MSL3B: variants seen among roughly 807,000 people sequenced by gnomAD.
MSL3B encodes MSL complex subunit 3B.
chr2:233,865,065 T>C, the MSL3B span, among the ~76,000 whole-genome samples: 1 of 152,240 alleles, frequency 6.6e-6, no homozygotes, highest in Non-Finnish European at 1.5e-5. Context: ...TGGGAAGATA[T>C]GTCTCTGTGG....
chr2:233,867,583 C>G, the MSL3B span: 6 of 224,508 alleles, frequency 2.7e-5, no homozygotes, highest in African/African-American at 1.4e-4. Context: ...TCAAGTGATT[C>G]TCCTGCCTCA....
At chr2:233,864,701 A>C in the MSL3B span, among the ~76,000 whole-genome samples, 2 of 152,242 alleles carry the variant, frequency 1.3e-5, no homozygotes, top group African/African-American at 2.4e-5. Context: ...ATGTATCTAA[A>C]ATATTGTCAG....
At chr2:233,867,485 T>C in the MSL3B span, 1 of 338,598 alleles carries the variant, frequency 3.0e-6, no homozygotes. Context: ...CTTTCTTTCT[T>C]TTTTTTGTGA....
the MSL3B span, chr2:233,866,211 C>T: frequency 1.3e-5 from 9 of 670,022 alleles, no homozygotes; most frequent in East Asian, 6.9e-5. Flanking sequence ...AAGAAGTCAT[C>T]GTGGTATTCT....
chr2:233,868,277 G>C, the MSL3B span: 4 of 333,472 alleles, frequency 1.2e-5, no homozygotes, highest in South Asian at 2.9e-5. Flanking sequence ...GAGCCTACGC[G>C]GCACCAGGCT....
the MSL3B span, among the ~76,000 whole-genome samples, chr2:233,867,810 T>TTGG: frequency 2.4e-5 from 3 of 126,204 alleles, no homozygotes; most frequent in Non-Finnish European, 3.4e-5. Context: ...TTTTTTTTTT[T>TTGG]GAGACAGAGT....
At chr2:233,865,005 A>G in the MSL3B span, among the ~76,000 whole-genome samples, 1 of 152,298 alleles carries the variant, frequency 6.6e-6, no homozygotes, top group South Asian at 2.1e-4. Flanking sequence ...GTGGCACGTC[A>G]TTCTCTCACA....
the MSL3B span, chr2:233,867,355 TA>T: frequency 9.8e-6 from 6 of 609,396 alleles, no homozygotes; most frequent in Admixed American, 1.4e-4. Flanking sequence ...AGAGGCCTTT[TA>T]AAAAAAGACA....
the MSL3B span, chr2:233,866,371 G>T: frequency 3.4e-6 from 3 of 895,442 alleles, no homozygotes; most frequent in African/African-American, 4.9e-5. Flanking sequence ...GAGGTGGCTG[G>T]TCACCTGGTG....
chr2:233,867,859 C>T, the MSL3B span, among the ~76,000 whole-genome samples: 2 of 146,100 alleles, frequency 1.4e-5, no homozygotes, highest in Non-Finnish European at 3.0e-5. Flanking sequence ...ATGGCGATCT[C>T]GGCTCACTGC....
At chr2:233,866,347 A>C in the MSL3B span, 1 of 829,910 alleles carries the variant, frequency 1.2e-6, no homozygotes, top group Middle Eastern at 2.3e-4. Flanking sequence ...GCGCCCCGTA[A>C]ATGTAAGAGG....
At chr2:233,867,489 T>C in the MSL3B span, 1 of 337,020 alleles carries the variant, frequency 3.0e-6, no homozygotes, top group East Asian at 8.5e-5. Context: ...CTTTCTTTTT[T>C]TTGTGACAAG....
At chr2:233,865,555 GCT>G in the MSL3B span, 1 of 152,274 alleles carries the variant, frequency 6.6e-6, no homozygotes, top group Non-Finnish European at 1.5e-5. Context: ...GAAAGGCAAT[GCT>G]TTCTTTAGAT....
chr2:233,866,537 AG>A, the MSL3B span: 1 of 1,094,494 alleles, frequency 9.1e-7, no homozygotes. Context: ...TTCCAGGTGC[AG>A]GAACAGCTTG....
chr2:233,866,519 G>T, the MSL3B span: 1 of 1,203,468 alleles, frequency 8.3e-7, no homozygotes. Context: ...ATGCACAGGT[G>T]TCTTCTTTTC....
At chr2:233,867,280 G>A in the MSL3B span, 1 of 745,328 alleles carries the variant, frequency 1.3e-6, no homozygotes, top group East Asian at 2.4e-5. Context: ...TTTCATCCTT[G>A]TCTTCACTAC....
chr2:233,868,237 C>A, the MSL3B span: 1 of 400,794 alleles, frequency 2.5e-6, no homozygotes, highest in South Asian at 2.1e-5. Flanking sequence ...CAATCTAGGT[C>A]GGACGGCGTC....
chr2:233,866,909 C>A, the MSL3B span: 1,335 of 1,481,764 alleles, frequency 9.0e-4, 13 homozygotes, highest in African/African-American at 0.017. Context: ...AAAGGTTATT[C>A]TTAATCCATC....
chr2:233,867,327 CATTTTT>C, the MSL3B span: 1 of 673,694 alleles, frequency 1.5e-6, no homozygotes. Context: ...TCATCATTTT[CATTTTT>C]TTCTTCGATG....
Sources: gnomAD v4.1 joint callset for allele counts (sites outside exome capture counted in the v4.1 genomes callset) on GRCh38, gnomAD v4.1.1 for gene constraint, MANE v1.5 for transcripts, NCBI Gene and HGNC (gene_info 2026-07-23, HGNC 2026-07-21) for gene names.